The following ABCC6 variants were observed in gnomAD, a reference collection of about 807,000 sequenced individuals.
ABCC6 encodes the protein ATP binding cassette subfamily C member 6, also known as ATP-binding cassette sub-family C member 6.
In ABCC6, 126 loss-of-function variants were observed where a neutral mutation model predicts 169.5. The ratio of observed to expected loss-of-function variants is 0.74; its 90% CI spans 0.64 to 0.86. The LOEUF (loss-of-function observed/expected upper bound fraction) is 0.86, where lower values mean the gene tolerates loss of function less well. Among genes scored for constraint, ABCC6 ranks in the 40% least tolerant of loss-of-function variants. The pLI is 0.00. For missense variants in ABCC6, 1,733 were observed against 1,927.2 expected (o/e 0.90, Z 1.89); for synonymous variants, 752 against 814.7 (o/e 0.92, Z 1.31).
At position 16,169,708 on chromosome 16, in the gene ABCC6, C is replaced by T. The variant is rs770232227; in HGVS notation, c.2933G>A (p.Gly978Asp). The T allele has an allele frequency of 6.2e-7, 1 of 1,611,482 alleles. No individual in the cohort carries two copies. Among genetic ancestry groups the T allele is most frequent in the Non-Finnish European group, 8.5e-7 (1 of 1,179,572 alleles). Reference protein sequence around the residue: ...LSLWADDPAVGGQQTQAALRG... With the variant: ...LSLWADDPAVDGQQTQAALRG... ...CAGGGCTGCCTGCGTCTGCTGCCCA[C>T]CTACTGCAGGGTCGTCCGCCCACAG... The change falls in exon 22 of 31, where the codon GGT (glycine) becomes GAT (aspartate). Residue 978 changes from glycine to aspartate, a missense_variant. Around this residue, in one of 5 missense-constraint regions of ABCC6, gnomAD observed 1,601 missense variants for 1,635.5 expected, o/e 0.98. Transcript: ENST00000205557.
chr16:16,170,686 G>A (rs2047030970), intron 21 of ABCC6, among the ~76,000 whole-genome samples: 1 of 152,010 alleles, frequency 6.6e-6, no homozygotes, highest in Non-Finnish European at 1.5e-5. Flanking sequence ...GGGAGGCCAA[G>A]GCGGGTGTGT....
Position 16,149,995 on chromosome 16 carries a change from G to A in ABCC6, c.*138C>T. 1 of 1,346,594 alleles carries A rather than the reference G, an allele frequency of 7.4e-7. No individual in the cohort carries two copies. The highest frequency in any genetic ancestry group is 1.0e-6 in the Non-Finnish European group (1 of 965,200). 83.4% of individuals were successfully genotyped at this position (1,346,594 alleles called of 1,614,324 possible). On this transcript the variant is annotated 3_prime_UTR_variant, in exon 31 of 31. Coordinates refer to ENST00000205557, the MANE Select transcript of ABCC6 (RefSeq NM_001171.6). ...TCTGTGATAATTGGCCACTTTCTCT[G>A]CCATTTTCCTCCCAGAGAGCAAACA...
intron 26 of ABCC6, 79 bp downstream of exon 26, chr16:16,159,403 G>A: frequency 1.5e-6 from 2 of 1,321,152 alleles, no homozygotes; most frequent in African/African-American, 1.5e-5. Context: ...AAAGCCTGTA[G>A]CAGATGTCAA....
At chr16:16,168,885 A>G (rs1488463348) in intron 22 of ABCC6, among the ~76,000 whole-genome samples, 1 of 152,144 alleles carries the variant, frequency 6.6e-6, no homozygotes. Flanking sequence ...GTTCGAGACC[A>G]GCTTGGCCAA....
intron 20 of ABCC6, among the ~76,000 whole-genome samples, chr16:16,173,694 TTC>T (rs1165299314): frequency 6.6e-6 from 1 of 151,080 alleles, no homozygotes; most frequent in African/African-American, 2.4e-5. Flanking sequence ...TCTCAGAATT[TTC>T]TTTTTTTTTT....
chr16:16,202,057 G>T lies in ABCC6; in HGVS notation c.1120C>A (p.Leu374Ile). 6.2e-7 allele frequency: 1 copy of T among 1,614,012 alleles called. No individual in the cohort carries two copies. Among genetic ancestry groups the T allele is most frequent in the South Asian group, 1.1e-5 (1 of 91,076 alleles). Residue 374 changes from leucine to isoleucine, a missense_variant, in exon 9 of 31, where the codon CTC becomes ATC. Leu to Ile is a conservative substitution (Grantham distance 5, BLOSUM62 2). Transcript: ENST00000205557. ...TLFEQQNMYR[L>I]KVLQMRLRSA... is the part of the protein sequence containing the mutation. Reference sequence around the variant, plus strand: ...CGCAACCTCATCTGCAGCACCTTGAGCCTGTACATGTTCTGCTGCTCAAAC... The same window carrying T: ...CGCAACCTCATCTGCAGCACCTTGATCCTGTACATGTTCTGCTGCTCAAAC...
rs563793238 is a variant in ABCC6 at position 16,209,608 on chromosome 16, T to G, written c.663-749A>C. Among the ~76,000 whole-genome samples, 10 of 151,516 alleles carry G rather than the reference T, an allele frequency of 6.6e-5. No homozygotes were observed. In the South Asian group the frequency reaches 2.1e-3, roughly 32 times the overall value. On this transcript the variant is annotated intron_variant, in intron 6 of 30. Coordinates refer to ENST00000205557, the MANE Select transcript of ABCC6 (RefSeq NM_001171.6). ...TCCCTCAGCTTTTTTTTTTTAATTA[T>G]TATTATTTTTTTTGAGATGGAGTCT... is the stretch of plus-strand genomic sequence containing the variant.
chr16:16,221,837 G>T lies in ABCC6; in HGVS notation c.37-6C>A. On this transcript the variant is annotated splice_polypyrimidine_tract_variant and splice_region_variant and intron_variant, in intron 1 of 30. Transcript: ENST00000205557. The stretch of plus-strand genomic sequence containing the variant: ...GGCTCTGTCTGGTTCCAGACCTGAG[G>T]GAACACAAAGAGGACCCTTAGGATG... 6.2e-7 allele frequency: 1 copy of T among 1,612,842 alleles called. No homozygotes were observed.
At chr16:16,171,279 C>A (rs2047057258) in intron 21 of ABCC6, among the ~76,000 whole-genome samples, 1 of 152,038 alleles carries the variant, frequency 6.6e-6, no homozygotes, top group Non-Finnish European at 1.5e-5. Context: ...ATTGCAGTGA[C>A]ATGATCATAG....
intron 15 of ABCC6, chr16:16,184,198 CAAAAAAAA>C (rs56071235): frequency 7.1e-4 from 51 of 71,912 alleles, no homozygotes; most frequent in Admixed American, 1.8e-3. Flanking sequence ...GACTCCGTTT[CAAAAAAAA>C]AAAAAAAAAA....
chr16:16,165,860 C>G lies in ABCC6; in HGVS notation c.3069G>C (p.Arg1023Ser), dbSNP rs1187721063. Reference protein sequence around the residue: ...GARASRLLFQRLLWDVVRSPI... With the variant: ...GARASRLLFQSLLWDVVRSPI... Reference sequence around the variant, plus strand: ...GAGATCGCACCACATCCCACAGGAGCCTCTGGAAGAGCAACCTGGATGCCC... The same window carrying G: ...GAGATCGCACCACATCCCACAGGAGGCTCTGGAAGAGCAACCTGGATGCCC... The change falls in exon 23 of 31, where the codon AGG becomes AGC. Residue 1023 changes from arginine (R) to serine (S), a missense_variant. Around this residue, in one of 5 missense-constraint regions of ABCC6, gnomAD observed 1,601 missense variants for 1,635.5 expected, o/e 0.98. Transcript: ENST00000205557. The G allele has an allele frequency of 1.2e-6, 2 of 1,613,354 alleles. No homozygotes were observed. Among genetic ancestry groups the G allele is most frequent in the East Asian group, 4.5e-5 (2 of 44,872 alleles).
intron 27 of ABCC6, chr16:16,155,840 T>G (rs1398171932): frequency 6.6e-6 from 1 of 152,362 alleles, no homozygotes; most frequent in African/African-American, 2.4e-5. Context: ...TGCTCCAGTG[T>G]GCCCATCATC....
chr16:16,171,825 T>A (rs1448374038), intron 21 of ABCC6, among the ~76,000 whole-genome samples: 1 of 149,564 alleles, frequency 6.7e-6, no homozygotes, highest in African/African-American at 2.5e-5. Flanking sequence ...GTGGGATGGA[T>A]GGATAAATGA....
chr16:16,189,179 A>G (rs972492896), intron 12 of ABCC6, among the ~76,000 whole-genome samples: 1 of 152,212 alleles, frequency 6.6e-6, no homozygotes, highest in African/African-American at 2.4e-5. Flanking sequence ...CTAAAGACAC[A>G]GCGCATTGCT....
chr16:16,208,195 C>G lies in ABCC6; in HGVS notation c.794+533G>C, dbSNP rs555274712. 2.6e-5 allele frequency among the ~76,000 whole-genome samples: 4 copies of G among 152,132 alleles called. No homozygotes were observed. In the South Asian group the frequency reaches 6.2e-4, roughly 24 times the overall value. ...CATTTGTAGGAACCTGTTTGTTCCC[C>G]GTTTGTAGGAACCTGTGATGCGTTC... is the stretch of plus-strand genomic sequence containing the variant. On this transcript the variant is annotated intron_variant, in intron 7 of 30. Transcript: ENST00000205557.
In ABCC6 at chr16:16,190,298, T is replaced by G. The variant is rs772952563; in HGVS notation, c.1501A>C (p.Ile501Leu). ...GCTCCCTCCCAGCCATGGAACTTGA[T>G]GGTCTTCGAGTTCCTGAGGATAGAG... ...TSSILRNSKT[I>L]KFHGWEGAFL... The change falls in exon 12 of 31, where the codon ATC becomes CTC. Residue 501 changes from isoleucine to leucine, a missense_variant. By Grantham distance (5) the Ile-to-Leu change is conservative. Transcript: ENST00000205557. 6.2e-7 allele frequency: 1 copy of G among 1,614,186 alleles called. No individual in the cohort carries two copies. Among genetic ancestry groups the G allele is most frequent in the South Asian group, 1.1e-5 (1 of 91,080 alleles).
chr16:16,169,521 C>T (rs989549673), intron 22 of ABCC6, 125 bp downstream of exon 22: 9 of 1,124,416 alleles, frequency 8.0e-6, no homozygotes, highest in East Asian at 2.6e-5. Context: ...TTTGCCTGGA[C>T]CCCAGACGTT....
At position 16,182,457 on chromosome 16, in the gene ABCC6, A is replaced by G. The variant is rs774098410; in HGVS notation, c.2202T>C (p.Asp734=). Reference sequence around the variant, plus strand: ...GGATTCCCTCAGGGAAGCTGTCCACATCTGGCTGCAGGGCACAGGCTTCTA... The same window carrying G: ...GGATTCCCTCAGGGAAGCTGTCCACGTCTGGCTGCAGGGCACAGGCTTCTA... ...RVLEACALQP[D]VDSFPEGIHT... The change falls in exon 17 of 31, where the codon GAT becomes GAC. Residue 734 remains aspartate (D), a synonymous_variant. Coordinates refer to ENST00000205557, the MANE Select transcript of ABCC6 (RefSeq NM_001171.6). 6.2e-7 allele frequency: 1 copy of G among 1,614,178 alleles called. No individual in the cohort carries two copies. The highest frequency in any genetic ancestry group is 8.5e-7 in the Non-Finnish European group (1 of 1,180,022).
At position 16,165,650 on chromosome 16, in the gene ABCC6, T is replaced by A. The variant is rs1403370874; in HGVS notation, c.3279A>T (p.Pro1093=). ...ATPLATVAIL[P]LFLLYAGFQS... is the part of the protein sequence containing the mutation. ...GAAACCCAGCGTAGAGGAGAAACAG[T>A]GGCAGGATGGCCACAGTGGCCAGTG... is the stretch of plus-strand genomic sequence containing the variant. The change falls in exon 23 of 31, where the codon CCA becomes CCT. Residue 1093 remains proline, a synonymous_variant. Transcript: ENST00000205557. The A allele has an allele frequency of 1.2e-6, 2 of 1,612,540 alleles. No individual in the cohort carries two copies. Among genetic ancestry groups the A allele is most frequent in the Non-Finnish European group, 1.7e-6 (2 of 1,179,946 alleles).
Sources: gnomAD v4.1 joint callset for allele counts (sites outside exome capture counted in the v4.1 genomes callset) on GRCh38, gnomAD v4.1.1 for gene constraint, gnomAD v4.1.1 regional missense constraint, MANE v1.5 for transcripts, NCBI Gene and HGNC (gene_info 2026-07-23, HGNC 2026-07-21) for gene names.